Variants in THADA observed in about 807,000 individuals in gnomAD.
THADA encodes tRNA (32-2'-O)-methyltransferase regulator THADA.
In THADA, 213 loss-of-function variants were observed where a neutral mutation model predicts 219.8. The ratio of observed to expected loss-of-function variants is 0.97; its 90% CI spans 0.87 to 1.09. The LOEUF is 1.09. Among genes scored for constraint, THADA ranks in the 50% least tolerant of loss-of-function variants. THADA has a pLI of 0.00. For missense variants in THADA, 2,956 were observed against 2,311.3 expected, an observed-to-expected ratio of 1.28 and a Z score of -5.72; for synonymous variants, 1,018 against 828.9, an observed-to-expected ratio of 1.23 and a Z score of -3.92.
intron 26 of THADA, among the ~76,000 whole-genome samples, chr2:43,443,346 T>C (rs547057536): frequency 3.3e-5 from 5 of 152,342 alleles, no homozygotes; most frequent in African/African-American, 7.2e-5. Context: ...TGTAGTGGCA[T>C]TCAGAATCAT....
intron 29 of THADA, among the ~76,000 whole-genome samples, chr2:43,372,628 G>A (rs189815816): frequency 5.9e-5 from 9 of 152,216 alleles, no homozygotes; most frequent in East Asian, 3.9e-4. Context: ...TACAACATGA[G>A]TTTTCTTGTT....
At chr2:43,527,704 G>C (rs1239833183) in intron 22 of THADA, among the ~76,000 whole-genome samples, 175 bp downstream of exon 22, 1 of 152,082 alleles carries the variant, frequency 6.6e-6, no homozygotes, top group Non-Finnish European at 1.5e-5. Flanking sequence ...GTTTCAATCA[G>C]TTATCTGCAG....
intron 28 of THADA, among the ~76,000 whole-genome samples, chr2:43,417,412 A>T (rs918561287): frequency 1.3e-5 from 2 of 152,104 alleles, no homozygotes; most frequent in Non-Finnish European, 2.9e-5. Context: ...AATAAGGAAA[A>T]TTTCCTTTGT....
chr2:43,290,719 C>T (rs1190475394), intron 34 of THADA, among the ~76,000 whole-genome samples: 1 of 152,070 alleles, frequency 6.6e-6, no homozygotes, highest in Non-Finnish European at 1.5e-5. Context: ...TATGCCACCA[C>T]CATCAGTGTG....
At chr2:43,580,697 A>G (rs566169341) in intron 8 of THADA, among the ~76,000 whole-genome samples, 1 of 151,996 alleles carries the variant, frequency 6.6e-6, no homozygotes, top group Admixed American at 6.5e-5. Flanking sequence ...CAACATGGTG[A>G]AAGCCCGTCT....
chr2:43,557,390 A>T (rs903690194), intron 16 of THADA, among the ~76,000 whole-genome samples: 1 of 152,158 alleles, frequency 6.6e-6, no homozygotes, highest in Non-Finnish European at 1.5e-5. Flanking sequence ...CTTATGTTTC[A>T]CCTGGGCATC....
chr2:43,508,219 G>A (rs998861311), intron 23 of THADA, among the ~76,000 whole-genome samples: 3 of 152,036 alleles, frequency 2.0e-5, no homozygotes, highest in Non-Finnish European at 2.9e-5. Context: ...ATGGATGGAC[G>A]TTTTATAGGA....
At chr2:43,421,303 G>T (rs893912720) in intron 28 of THADA, among the ~76,000 whole-genome samples, 13 of 152,166 alleles carry the variant, frequency 8.5e-5, no homozygotes, top group African/African-American at 3.1e-4. Context: ...CCCAACAACT[G>T]TTAGCAGATT....
intron 17 of THADA, among the ~76,000 whole-genome samples, chr2:43,554,006 T>C (rs1574231005): frequency 1.3e-5 from 2 of 152,338 alleles, no homozygotes; most frequent in South Asian, 4.1e-4. Context: ...TCTTTATATA[T>C]ACTAGACAAA....
At chr2:43,496,224 T>A (rs1688263133) in intron 25 of THADA, among the ~76,000 whole-genome samples, 1 of 152,180 alleles carries the variant, frequency 6.6e-6, no homozygotes, top group African/African-American at 2.4e-5. Context: ...ATTTCAAGCA[T>A]CTATAATTAT....
chr2:43,449,933 GTCCT>G (rs1306525570), intron 26 of THADA, among the ~76,000 whole-genome samples: 1 of 152,182 alleles, frequency 6.6e-6, no homozygotes, highest in Non-Finnish European at 1.5e-5. Flanking sequence ...CTGGCAAACG[GTCCT>G]TCAACTGTGA....
chr2:43,587,395 T>A (rs1485653309), intron 4 of THADA, among the ~76,000 whole-genome samples: 1 of 152,212 alleles, frequency 6.6e-6, no homozygotes, highest in Non-Finnish European at 1.5e-5. Context: ...TTTATTTATT[T>A]TTTTTCTTTT....
chr2:43,415,535 T>C (rs1383585207), intron 28 of THADA, among the ~76,000 whole-genome samples: 1 of 152,186 alleles, frequency 6.6e-6, no homozygotes, highest in Admixed American at 6.5e-5. Flanking sequence ...GGACTGGTTA[T>C]GGAAGAACTC....
intron 36 of THADA, among the ~76,000 whole-genome samples, chr2:43,236,245 C>G (rs766871349): frequency 1.4e-4 from 21 of 152,196 alleles, no homozygotes; most frequent in Admixed American, 1.3e-4. Flanking sequence ...AGACTCCAAG[C>G]CTGCAAGGCA....
At chr2:43,527,639 C>CT (rs1693331254) in intron 22 of THADA, among the ~76,000 whole-genome samples, 1 of 151,870 alleles carries the variant, frequency 6.6e-6, no homozygotes, top group Non-Finnish European at 1.5e-5. Flanking sequence ...TTAGCAAAAT[C>CT]TTTGAGTTTG....
At chr2:43,408,592 G>A (rs772453500) in intron 28 of THADA, among the ~76,000 whole-genome samples, 2 of 152,114 alleles carry the variant, frequency 1.3e-5, no homozygotes, top group African/African-American at 2.4e-5. Flanking sequence ...AGTCTCTTAC[G>A]CAAGGCTACT....
chr2:43,546,370 T>C (rs1696036932), intron 20 of THADA, among the ~76,000 whole-genome samples: 1 of 152,210 alleles, frequency 6.6e-6, no homozygotes, highest in Admixed American at 6.5e-5. Flanking sequence ...GAGAGTTCTG[T>C]AGATGTCTAT....
intron 36 of THADA, among the ~76,000 whole-genome samples, chr2:43,239,481 G>C (rs889733512): frequency 6.6e-6 from 1 of 152,224 alleles, no homozygotes; most frequent in African/African-American, 2.4e-5. Flanking sequence ...TTAATTTCTA[G>C]GCAGGTAGAC....
intron 30 of THADA, among the ~76,000 whole-genome samples, chr2:43,322,592 A>T (rs1277880267): frequency 6.6e-6 from 1 of 150,582 alleles, no homozygotes; most frequent in Non-Finnish European, 1.5e-5. Flanking sequence ...CCTTTTCCAC[A>T]ACCCTACCCC....
Sources: allele counts gnomAD v4.1 joint callset (sites outside exome capture counted in the v4.1 genomes callset), GRCh38; gene constraint gnomAD v4.1.1; transcripts MANE v1.5; gene names NCBI Gene and HGNC (gene_info 2026-07-23, HGNC 2026-07-21).